The following RBFOX1 variants were observed in gnomAD, a reference collection of about 807,000 sequenced individuals.
The protein encoded by RBFOX1 is RNA binding protein fox-1 homolog 1.
A neutral mutation model predicts 57.7 loss-of-function variants in RBFOX1; 8 were observed. The observed-to-expected ratio is 0.14, with a 90% CI of 0.08 to 0.25. The LOEUF is 0.25. Ranked by LOEUF, RBFOX1 falls within the 10% of genes least tolerant of loss-of-function variation. RBFOX1 has a pLI of 1.00. For missense variants in RBFOX1, 611 were observed against 548.5 expected, an observed-to-expected ratio of 1.11 and a Z score of -1.14; for synonymous variants, 326 against 222.4, an observed-to-expected ratio of 1.47 and a Z score of -4.15.
intron 3 of RBFOX1, among the ~76,000 whole-genome samples, chr16:6,854,030 A>G (rs2057340016): frequency 6.6e-6 from 1 of 152,234 alleles, no homozygotes; most frequent in African/African-American, 2.4e-5. Context: ...AAGGAAGGAC[A>G]GACCTCAGGC....
chr16:7,389,227 G>C (rs557951005), intron 4 of RBFOX1, among the ~76,000 whole-genome samples: 1 of 152,160 alleles, frequency 6.6e-6, no homozygotes, highest in African/African-American at 2.4e-5. Context: ...TCCAGGCTTA[G>C]ATGATCCTGT....
intron 4 of RBFOX1, among the ~76,000 whole-genome samples, chr16:7,193,434 T>C (rs1156629664): frequency 6.6e-6 from 1 of 152,214 alleles, no homozygotes; most frequent in Non-Finnish European, 1.5e-5. Context: ...AACTATAAGA[T>C]GGGTTGTTTG....
intron 1 of RBFOX1, among the ~76,000 whole-genome samples, chr16:5,464,874 C>T (rs993509211): frequency 2.0e-5 from 3 of 152,100 alleles, no homozygotes; most frequent in African/African-American, 7.2e-5. Flanking sequence ...GCTCTAGGAG[C>T]CCAGGAGGAA....
chr16:5,890,403 A>G (rs2058018253), intron 4 of RBFOX1, among the ~76,000 whole-genome samples: 1 of 152,290 alleles, frequency 6.6e-6, no homozygotes, highest in Non-Finnish European at 1.5e-5. Flanking sequence ...GAAGTCCCAG[A>G]ACTAAGAAGT....
At chr16:6,315,564 GAT>G in intron 1 of RBFOX1, among the ~76,000 whole-genome samples, 1 of 71,624 alleles carries the variant, frequency 1.4e-5, no homozygotes, top group Non-Finnish European at 3.7e-5. Context: ...TGGATGGATG[GAT>G]GGATGGATGG....
Position 5,843,143 on chromosome 16 carries a change from A to T in RBFOX1, c.319-24160A>T, listed in dbSNP as rs551594426. On this transcript the variant is annotated intron_variant, in intron 3 of 19. Transcript: ENST00000641259. ...CGCCAGGCCTATTATTTTTATTTTT[A>T]TCTTTCATTATAGGTTCAGGGGTAC... 3.9e-5 allele frequency among the ~76,000 whole-genome samples: 6 copies of T among 151,988 alleles called. No homozygotes were observed. The South Asian group carries it at 1.2e-3, about 32-fold the overall frequency.
At chr16:6,945,823 G>A (rs561506883) in intron 3 of RBFOX1, among the ~76,000 whole-genome samples, 12 of 152,294 alleles carry the variant, frequency 7.9e-5, no homozygotes, top group African/African-American at 1.9e-4. Flanking sequence ...CCCAGGAGGC[G>A]GAGGTTGCAG....
At chr16:6,212,708 A>G (rs56343273) in intron 1 of RBFOX1, among the ~76,000 whole-genome samples, 1 of 148,296 alleles carries the variant, frequency 6.7e-6, no homozygotes, top group Non-Finnish European at 1.5e-5. Context: ...GTCTGTCAAA[A>G]AAACAAACAA....
chr16:7,666,013 C>A lies in RBFOX1; in HGVS notation c.930+1045C>A, dbSNP rs945203071. 2.0e-5 allele frequency among the ~76,000 whole-genome samples: 3 copies of A among 152,102 alleles called. No individual in the cohort carries two copies. In the South Asian group the frequency reaches 6.2e-4, roughly 31 times the overall value. On this transcript the variant is annotated intron_variant, in intron 13 of 15. Coordinates refer to ENST00000550418, the MANE Select transcript of RBFOX1 (RefSeq NM_018723.4). ...ATCTGTGGGTTAGTATTTTTTCCCC[C>A]GTAATAAAATGAGTGAACAACCCAT...
intron 3 of RBFOX1, among the ~76,000 whole-genome samples, chr16:5,711,295 T>C (rs1055979126): frequency 3.3e-5 from 5 of 152,176 alleles, no homozygotes; most frequent in African/African-American, 1.2e-4. Context: ...ATTGCTCAGA[T>C]AAGAAAATGG....
chr16:6,865,461 C>G (rs1334336408), intron 3 of RBFOX1, among the ~76,000 whole-genome samples: 1 of 152,002 alleles, frequency 6.6e-6, no homozygotes, highest in Non-Finnish European at 1.5e-5. Context: ...CCTTTCTAGC[C>G]CCACACACCC....
intron 4 of RBFOX1, among the ~76,000 whole-genome samples, chr16:7,269,941 T>C (rs964615746): frequency 3.3e-5 from 5 of 152,254 alleles, no homozygotes; most frequent in African/African-American, 9.6e-5. Context: ...TTACATACTT[T>C]ATTAATTTGA....
chr16:6,379,543 G>A (rs1467753087), intron 2 of RBFOX1, among the ~76,000 whole-genome samples: 1 of 152,112 alleles, frequency 6.6e-6, no homozygotes, highest in Non-Finnish European at 1.5e-5. Flanking sequence ...GAGCAGAAGG[G>A]TAGAAAGAAA....
chr16:7,625,018 T>A (rs2059872495), intron 10 of RBFOX1, among the ~76,000 whole-genome samples: 1 of 152,130 alleles, frequency 6.6e-6, no homozygotes, highest in Non-Finnish European at 1.5e-5. Context: ...AAACCTTGTG[T>A]GTGGCAGATA....
At chr16:6,548,357 G>A (rs12446610) in intron 2 of RBFOX1, among the ~76,000 whole-genome samples, 74,528 of 151,968 alleles carry the variant, frequency 0.49, 19,404 homozygotes, top group Non-Finnish European at 0.58. Flanking sequence ...TTCCAAAGGC[G>A]GAGGTCTCAA....
At chr16:5,535,570 A>G (rs556847877) in intron 2 of RBFOX1, among the ~76,000 whole-genome samples, 9 of 152,286 alleles carry the variant, frequency 5.9e-5, no homozygotes, top group African/African-American at 1.4e-4. Context: ...TTGCAGCTCT[A>G]AACTTCTGGG....
chr16:7,384,222 T>C (rs1472260084), intron 4 of RBFOX1, among the ~76,000 whole-genome samples: 3 of 151,370 alleles, frequency 2.0e-5, no homozygotes, highest in Non-Finnish European at 2.9e-5. Flanking sequence ...ATATGAAATA[T>C]ATATATGAAT....
Position 5,783,492 on chromosome 16 carries a change from A to G in RBFOX1, c.319-83811A>G, listed in dbSNP as rs191586523. Among the ~76,000 whole-genome samples, 609 of 152,290 alleles carry G rather than the reference A, an allele frequency of 4.0e-3. 1 individual carries two copies. The highest frequency in any genetic ancestry group is 0.013 in the African/African-American group (554 of 41,562). ...AGATGCATATCAATAATATAGGAAAAGTGGATAGAAAAAAATCACCCTCAT... is the reference window on the plus strand; with the variant it reads ...AGATGCATATCAATAATATAGGAAAGGTGGATAGAAAAAAATCACCCTCAT... On this transcript the variant is annotated intron_variant, in intron 3 of 19. Coordinates refer to the RBFOX1 transcript ENST00000641259.
chr16:6,071,762 G>C (rs2095840751), intron 1 of RBFOX1, among the ~76,000 whole-genome samples: 1 of 152,128 alleles, frequency 6.6e-6, no homozygotes, highest in Non-Finnish European at 1.5e-5. Flanking sequence ...CGTGGCTCCT[G>C]GTTACCACCA....
Sources: gnomAD v4.1 joint callset for allele counts (sites outside exome capture counted in the v4.1 genomes callset) on GRCh38, gnomAD v4.1.1 for gene constraint, MANE v1.5 for transcripts, NCBI Gene and HGNC (gene_info 2026-07-23, HGNC 2026-07-21) for gene names.